The following AVL9 variants were observed in gnomAD, a reference collection of about 807,000 sequenced individuals.
AVL9 encodes the protein AVL9 cell migration associated.
In AVL9, 49 loss-of-function variants were observed where a neutral mutation model predicts 79.2. That is an observed-to-expected ratio of 0.62 (90% CI 0.49 to 0.79). The LOEUF is 0.79. AVL9 is among the 30% of genes least tolerant of loss of function. The pLI is 0.00. For missense variants in AVL9, 682 were observed against 776.8 expected (o/e 0.88, Z 1.45); for synonymous variants, 299 against 280.6 (o/e 1.07, Z -0.65).
rs563125815 is a variant in AVL9, at chr7:32,572,104, G to A, written c.1351-1095G>A. ...TTGAACCCGGGTGGCAGAGGTTGCA[G>A]GGAGCCGAGATCGTGCCACTGCACT... On this transcript the variant is annotated intron_variant, in intron 11 of 15. Transcript: ENST00000318709. Among the ~76,000 whole-genome samples the A allele has an allele frequency of 2.5e-3, 373 of 151,178 alleles. 12 individuals are homozygous for A. Among genetic ancestry groups the A allele is most frequent in the African/African-American group, 8.8e-3 (355 of 40,560 alleles).
At chr7:32,542,916 C>T (rs777045730) in intron 1 of AVL9, among the ~76,000 whole-genome samples, 3 of 152,150 alleles carry the variant, frequency 2.0e-5, no homozygotes, top group Non-Finnish European at 4.4e-5. Context: ...AAAGTTTAAC[C>T]GACCTTAAAT....
At chr7:32,530,511 A>T (rs1289619584) in intron 1 of AVL9, among the ~76,000 whole-genome samples, 1 of 152,236 alleles carries the variant, frequency 6.6e-6, no homozygotes, top group African/African-American at 2.4e-5. Flanking sequence ...TTATTCTCAT[A>T]TCAGGTAGAG....
chr7:32,525,128 G>T (rs1206110327), intron 1 of AVL9, among the ~76,000 whole-genome samples: 2 of 152,186 alleles, frequency 1.3e-5, no homozygotes, highest in African/African-American at 2.4e-5. Flanking sequence ...TGTTTGGAAG[G>T]CTGCTGCTCT....
chr7:32,580,337 C>T, intron 14 of AVL9, 65 bp downstream of exon 14: 2 of 1,287,668 alleles, frequency 1.6e-6, no homozygotes, highest in Non-Finnish European at 2.2e-6. Context: ...TGTTTCATTG[C>T]TAATTGGGAA....
intron 11 of AVL9, 67 bp from the exon 12 acceptor site, chr7:32,573,132 C>T: frequency 1.6e-6 from 2 of 1,258,158 alleles, no homozygotes. Flanking sequence ...CGTAGTTACT[C>T]TGTAAAGTGT....
At chr7:32,550,371 TAAAA>T (rs140567066) in intron 4 of AVL9, among the ~76,000 whole-genome samples, 1 of 152,078 alleles carries the variant, frequency 6.6e-6, no homozygotes, top group Non-Finnish European at 1.5e-5. Context: ...AAAATTGGGG[TAAAA>T]AAATCGAGTT....
chr7:32,548,621 T>C (rs1789648340), intron 3 of AVL9, among the ~76,000 whole-genome samples: 1 of 152,158 alleles, frequency 6.6e-6, no homozygotes, highest in African/African-American at 2.4e-5. Context: ...AGATTCGGGA[T>C]TGTCCATTCA....
intron 1 of AVL9, among the ~76,000 whole-genome samples, chr7:32,509,319 T>A (rs6972365): frequency 0.35 from 53,271 of 151,798 alleles, 9,689 homozygotes; most frequent in East Asian, 0.48. Context: ...AAAAACACAA[T>A]AAAAAACAAA....
chr7:32,548,144 C>CTGTCTTTTTTTTTTTTTTT (rs1227025763), intron 3 of AVL9, among the ~76,000 whole-genome samples: 19 of 57,590 alleles, frequency 3.3e-4, no homozygotes, highest in African/African-American at 1.0e-3. Context: ...TTTGTCATCT[C>CTGTCTTTTTTTTTTTTTTT]TTTTTTCTTT....
chr7:32,519,159 T>C (rs1349860967), intron 1 of AVL9, among the ~76,000 whole-genome samples: 1 of 152,226 alleles, frequency 6.6e-6, no homozygotes, highest in Non-Finnish European at 1.5e-5. Context: ...CCGGGCATGG[T>C]GGCTCACGCC....
chr7:32,540,622 A>G (rs1321645061), intron 1 of AVL9, among the ~76,000 whole-genome samples: 1 of 152,142 alleles, frequency 6.6e-6, no homozygotes, highest in Non-Finnish European at 1.5e-5. Flanking sequence ...TTGCTTAAGT[A>G]TAAAACCCTG....
intron 9 of AVL9, 26 bp downstream of exon 9, chr7:32,558,654 T>C (rs745427233): frequency 2.6e-6 from 4 of 1,559,768 alleles, no homozygotes; most frequent in Admixed American, 3.7e-5. Flanking sequence ...TATCTACTCT[T>C]TCTTTTGTTT....
At chr7:32,518,032 T>C (rs1207048177) in intron 1 of AVL9, among the ~76,000 whole-genome samples, 1 of 152,106 alleles carries the variant, frequency 6.6e-6, no homozygotes, top group East Asian at 1.9e-4. Context: ...AGTTTCACCA[T>C]GTTGGCCAGG....
rs371065820 is a variant in AVL9 at position 32,500,049 on chromosome 7, A to G, written c.93+4247A>G. On this transcript the variant is annotated intron_variant, in intron 1 of 15. Transcript: ENST00000318709. ...CTTTGCTATTGTGAATAGTGCTGCA[A>G]TAAACGTGTCTGTGTGTGTCTTTAT... Among the ~76,000 whole-genome samples, 3 of 152,316 alleles carry G rather than the reference A, an allele frequency of 2.0e-5. No homozygotes were observed. In the East Asian group the frequency reaches 5.8e-4, roughly 29 times the overall value.
At chr7:32,578,939 TAAC>T (rs1425085523) in intron 13 of AVL9, among the ~76,000 whole-genome samples, 2 of 152,076 alleles carry the variant, frequency 1.3e-5, no homozygotes, top group Non-Finnish European at 2.9e-5. Context: ...CATTCTAACT[TAAC>T]AAGCAGCAGG....
Position 32,543,192 on chromosome 7 carries a change from A to G in AVL9, c.145A>G (p.Thr49Ala). Residue 49 changes from threonine to alanine, a missense_variant, in exon 2 of 16, where the codon ACT becomes GCT. Transcript: ENST00000318709. ...TCCAGGAGATGGACATGACAGCCAC[A>G]CTTTACCTGAAGAATGGAAGTATTT... ...LIPGDGHDSH[T>A]LPEEWKYLPF... 6.2e-7 allele frequency: 1 copy of G among 1,614,190 alleles called. No individual in the cohort carries two copies. The highest frequency in any genetic ancestry group is 8.5e-7 in the Non-Finnish European group (1 of 1,180,034).
intron 10 of AVL9, among the ~76,000 whole-genome samples, chr7:32,563,100 C>G (rs889931793): frequency 6.6e-6 from 1 of 152,104 alleles, no homozygotes; most frequent in African/African-American, 2.4e-5. Context: ...GGCGTGATGT[C>G]TGCTTACTGC....
intron 10 of AVL9, among the ~76,000 whole-genome samples, chr7:32,561,437 G>C (rs1180796210): frequency 6.6e-6 from 1 of 151,962 alleles, no homozygotes; most frequent in Non-Finnish European, 1.5e-5. Context: ...AGCTAACTCT[G>C]CTGGCTTCAT....
At chr7:32,498,431 G>T (rs1404157974) in intron 1 of AVL9, among the ~76,000 whole-genome samples, 1 of 151,744 alleles carries the variant, frequency 6.6e-6, no homozygotes, top group Admixed American at 6.6e-5. Flanking sequence ...TATATTTTTG[G>T]TAGAGACGGG....
Sources: allele counts gnomAD v4.1 joint callset (sites outside exome capture counted in the v4.1 genomes callset), GRCh38; gene constraint gnomAD v4.1.1; transcripts MANE v1.5; gene names NCBI Gene and HGNC (gene_info 2026-07-23, HGNC 2026-07-21).